Variants in SVIL observed in about 807,000 individuals in gnomAD.
SVIL encodes the protein supervillin, also known as archvillin.
In SVIL, 101 loss-of-function variants were observed where a neutral mutation model predicts 240.4. That is an observed-to-expected ratio of 0.42 (90% confidence interval 0.36 to 0.50). The LOEUF (loss-of-function observed/expected upper bound fraction) is 0.50, where lower values mean the gene tolerates loss of function less well. Ranked by LOEUF, SVIL falls within the 20% of genes least tolerant of loss-of-function variation. The probability of loss-of-function intolerance (pLI) is 0.01; values close to 1 mark genes in which losing one functional copy is unlikely to be tolerated. For missense variants in SVIL, 2,512 were observed against 2,818.7 expected, an observed-to-expected ratio of 0.89 and a Z score of 2.46; for synonymous variants, 999 against 1,100.0, an observed-to-expected ratio of 0.91 and a Z score of 1.82.
intron 2 of SVIL, among the ~76,000 whole-genome samples, chr10:29,664,677 T>C (rs897553475): frequency 2.9e-5 from 4 of 138,682 alleles, no homozygotes; most frequent in Admixed American, 2.1e-4. Context: ...TTCGTAATTT[T>C]ATATATATAT....
intron 1 of SVIL, among the ~76,000 whole-genome samples, chr10:29,690,766 C>T (rs1479114064): frequency 6.6e-6 from 1 of 152,164 alleles, no homozygotes; most frequent in Admixed American, 6.5e-5. Context: ...CATTCGAACA[C>T]AACCCATGAG....
In SVIL at chr10:29,708,569, C is replaced by T. The variant is rs530640865; in HGVS notation, c.-399-21918G>A. ...CTGGGAGGCAGAGGTTGCAGTGAGC[C>T]GAGATTGCGCCACTACACTCCAGCC... On this transcript the variant is annotated intron_variant, in intron 1 of 35. Coordinates refer to the SVIL transcript ENST00000375400. 3.9e-5 allele frequency among the ~76,000 whole-genome samples: 6 copies of T among 151,954 alleles called. No individual in the cohort carries two copies. In the South Asian group the frequency reaches 6.2e-4, roughly 16 times the overall value.
Position 29,524,621 on chromosome 10 carries a change from G to A in SVIL, c.2437C>T (p.Leu813=). 6.2e-7 allele frequency: 1 copy of A among 1,614,184 alleles called. No homozygotes were observed. The highest frequency in any genetic ancestry group is 1.1e-5 in the South Asian group (1 of 91,082). ...AEQGEPDSST[L]SLAEKLALFN... ...AAGGCCAACTTTTCGGCCAAGCTTA[G>A]AGTGGAGGAATCAGGTTCTCCTTGC... Residue 813 remains leucine (L), a synonymous_variant, in exon 14 of 38, where the codon CTA becomes TTA. Transcript: ENST00000355867.
At chr10:29,566,511 T>C (rs1954975353) in intron 2 of SVIL, among the ~76,000 whole-genome samples, 1 of 152,126 alleles carries the variant, frequency 6.6e-6, no homozygotes, top group Non-Finnish European at 1.5e-5. Context: ...GCAAGACCCC[T>C]CAAATCAACA....
rs1943720145 is a variant in SVIL, at chr10:29,457,643, C to CATT, written c.*601_*603dup. On this transcript the variant is annotated 3_prime_UTR_variant, in exon 38 of 38. Transcript: ENST00000355867. The stretch of plus-strand genomic sequence containing the variant: ...TGCCATTAAGTACAAATTCTTTGTT[C>CATT]ATTTTAGCACCGGAAGCAGTACTCA... 1 of 152,558 alleles carries CATT rather than the reference C, an allele frequency of 6.6e-6. No individual in the cohort carries two copies. The highest frequency in any genetic ancestry group is 1.5e-5 in the Non-Finnish European group (1 of 68,026). 9.5% of individuals were successfully genotyped at this position (152,558 alleles called of 1,614,324 possible). A position where few individuals can be genotyped will look rare whatever the true frequency, so the allele number is the denominator to read the frequency against.
chr10:29,529,546 T>C (rs1043201626), intron 12 of SVIL, among the ~76,000 whole-genome samples, 159 bp downstream of exon 12: 11 of 152,246 alleles, frequency 7.2e-5, no homozygotes, highest in Admixed American at 7.2e-4. Context: ...TTACAAAGTT[T>C]AGAGAGACCA....
chr10:29,725,414 A>C (rs1375130668), intron 1 of SVIL, among the ~76,000 whole-genome samples: 1 of 152,172 alleles, frequency 6.6e-6, no homozygotes, highest in Non-Finnish European at 1.5e-5. Context: ...TGCAATCCTT[A>C]AAAGGCAGGA....
intron 1 of SVIL, among the ~76,000 whole-genome samples, chr10:29,597,484 C>T (rs1359651389): frequency 6.6e-6 from 1 of 152,130 alleles, no homozygotes; most frequent in African/African-American, 2.4e-5. Context: ...CAGTGGCAAT[C>T]TTGGCTCACT....
At chr10:29,464,647 A>G (rs1944673430) in intron 34 of SVIL, among the ~76,000 whole-genome samples, 1 of 152,126 alleles carries the variant, frequency 6.6e-6, no homozygotes, top group Non-Finnish European at 1.5e-5. Context: ...GTGGAGGTTG[A>G]TAACCCGCCC....
chr10:29,639,622 C>T (rs1958422148), upstream of SVIL, among the ~76,000 whole-genome samples: 1 of 151,914 alleles, frequency 6.6e-6, no homozygotes, highest in South Asian at 2.1e-4. Flanking sequence ...GCAGATGCCA[C>T]CACATCTGGC....
At chr10:29,556,890 A>G (rs1251258937) in intron 3 of SVIL, among the ~76,000 whole-genome samples, 1 of 152,108 alleles carries the variant, frequency 6.6e-6, no homozygotes, top group African/African-American at 2.4e-5. Flanking sequence ...AATTATTTAA[A>G]CCCCAAAGAG....
At chr10:29,493,151 T>C in intron 21 of SVIL, 63 bp downstream of exon 21, 10 of 1,534,910 alleles carry the variant, frequency 6.5e-6, no homozygotes, top group South Asian at 2.4e-5. Context: ...CTCATGGATG[T>C]GCCCTCTGCA....
At chr10:29,529,977 C>A in intron 11 of SVIL, 133 bp from the exon 12 acceptor site, 1 of 893,800 alleles carries the variant, frequency 1.1e-6, no homozygotes, top group South Asian at 1.9e-5. Context: ...TCAAGACCAG[C>A]CTGGGCAACA....
intron 17 of SVIL, chr10:29,507,746 C>T (rs1379465975): frequency 1.3e-5 from 13 of 984,970 alleles, no homozygotes; most frequent in Middle Eastern, 5.2e-4. Flanking sequence ...CCTGATTAAT[C>T]GACACAAAAG....
At chr10:29,481,064 G>A (rs914494215) in intron 28 of SVIL, among the ~76,000 whole-genome samples, 2 of 152,014 alleles carry the variant, frequency 1.3e-5, no homozygotes, top group Non-Finnish European at 2.9e-5. Context: ...ACTTCCCAGA[G>A]TCAGATTAGA....
chr10:29,522,188 G>A (rs1187296610), intron 16 of SVIL, among the ~76,000 whole-genome samples: 1 of 152,138 alleles, frequency 6.6e-6, no homozygotes, highest in Non-Finnish European at 1.5e-5. Flanking sequence ...TCTGGAACCA[G>A]CCCTGTCCAA....
chr10:29,497,955 G>A (rs1290023372), intron 18 of SVIL, among the ~76,000 whole-genome samples: 2 of 151,614 alleles, frequency 1.3e-5, no homozygotes, highest in Non-Finnish European at 2.9e-5. Context: ...GGTGGCGCGC[G>A]CCTGTGATCC....
At chr10:29,642,559 T>C (rs1361967361) in intron 3 of SVIL, among the ~76,000 whole-genome samples, 4 of 152,222 alleles carry the variant, frequency 2.6e-5, no homozygotes, top group Non-Finnish European at 5.9e-5. Flanking sequence ...ATCTCTAGGC[T>C]GTTAGCAGAG....
intron 1 of SVIL, among the ~76,000 whole-genome samples, chr10:29,732,822 ATT>A (rs1405452856): frequency 6.7e-6 from 1 of 150,070 alleles, no homozygotes; most frequent in East Asian, 1.9e-4. Context: ...GAGAATACAT[ATT>A]TCCTTTTCAC....
Sources: gnomAD v4.1 joint callset for allele counts (sites outside exome capture counted in the v4.1 genomes callset) on GRCh38, gnomAD v4.1.1 for gene constraint, MANE v1.5 for transcripts, NCBI Gene and HGNC (gene_info 2026-07-23, HGNC 2026-07-21) for gene names.